Variants in MCTP2 observed in about 807,000 individuals in gnomAD.
MCTP2 encodes multiple C2 and transmembrane domain-containing protein 2.
A neutral mutation model predicts 111.6 loss-of-function variants in MCTP2; 132 were observed. The observed-to-expected ratio is 1.18, with a 90% CI of 1.03 to 1.37. The LOEUF (loss-of-function observed/expected upper bound fraction) is 1.37. Among genes scored for constraint, MCTP2 ranks in the 40% most tolerant of loss-of-function variants. The pLI is 0.00. For synonymous variants in MCTP2, 395 were observed against 387.7 expected, an observed-to-expected ratio of 1.02 and a Z score of -0.22; for missense variants, 1,183 against 1,067.9, an observed-to-expected ratio of 1.11 and a Z score of -1.50.
chr15:94,275,913 A>G (rs530373281), intron 1 of MCTP2, among the ~76,000 whole-genome samples: 13 of 137,564 alleles, frequency 9.5e-5, no homozygotes, highest in Non-Finnish European at 2.0e-4. Flanking sequence ...AGTGGCGCGG[A>G]TCTTGGCTCA....
intron 19 of MCTP2, among the ~76,000 whole-genome samples, chr15:94,449,275 T>C (rs1002665731): frequency 1.1e-4 from 16 of 152,230 alleles, no homozygotes; most frequent in African/African-American, 3.9e-4. Flanking sequence ...GCTGCTTTTA[T>C]GTGCAGGAGC....
chr15:94,235,886 T>C (rs781553865), intron 1 of MCTP2, among the ~76,000 whole-genome samples: 3 of 152,246 alleles, frequency 2.0e-5, no homozygotes, highest in Non-Finnish European at 4.4e-5. Flanking sequence ...GGCCTGGGAT[T>C]GCTTGGGATG....
chr15:94,445,987 GT>G (rs1438497094), intron 19 of MCTP2, among the ~76,000 whole-genome samples: 1 of 152,214 alleles, frequency 6.6e-6, no homozygotes, highest in Non-Finnish European at 1.5e-5. Flanking sequence ...GCTTTGCCAT[GT>G]TCTGCCTGTC....
At chr15:94,253,283 A>C (rs2072560296) in intron 1 of MCTP2, among the ~76,000 whole-genome samples, 1 of 152,150 alleles carries the variant, frequency 6.6e-6, no homozygotes. Context: ...AGTGTGTCTC[A>C]ACTTTGATAA....
At chr15:94,258,708 A>G (rs2073002616) in intron 1 of MCTP2, among the ~76,000 whole-genome samples, 1 of 152,226 alleles carries the variant, frequency 6.6e-6, no homozygotes, top group South Asian at 2.1e-4. Context: ...CATTATGTTC[A>G]TTACCTGATT....
intron 9 of MCTP2, among the ~76,000 whole-genome samples, 170 bp from the exon 10 acceptor site, chr15:94,358,312 G>C (rs2078739956): frequency 1.3e-5 from 2 of 152,152 alleles, no homozygotes; most frequent in African/African-American, 4.8e-5. Flanking sequence ...TGTTTTGCCA[G>C]TTCTTGAACC....
rs542460535 is a variant in MCTP2, at chr15:94,276,631, A to T, written c.-65-21570A>T. On this transcript the variant is annotated intron_variant, in intron 1 of 22. Coordinates refer to ENST00000357742, the MANE Select transcript of MCTP2 (RefSeq NM_001385001.1). ...AATATGTTCGTAATCTGAATTCAGC[A>T]ATGGTATTTTTAAAATATTACAATG... Among the ~76,000 whole-genome samples, 3 of 124,730 alleles carry T rather than the reference A, an allele frequency of 2.4e-5. No homozygotes were observed. The South Asian group carries it at 7.3e-4, about 30-fold the overall frequency. The allele number at this position is 124,730 out of a possible 152,430, so 81.8% of individuals were successfully genotyped here. A position where few individuals can be genotyped will look rare whatever the true frequency, so the allele number is the denominator to read the frequency against.
chr15:94,283,415 T>A lies in MCTP2; in HGVS notation c.-65-14786T>A, dbSNP rs975849834. Among the ~76,000 whole-genome samples, 4 of 152,194 alleles carry A rather than the reference T, an allele frequency of 2.6e-5. No homozygotes were observed. The South Asian group carries it at 8.3e-4, about 31-fold the overall frequency. On this transcript the variant is annotated intron_variant, in intron 1 of 22. Coordinates refer to ENST00000357742, the MANE Select transcript of MCTP2 (RefSeq NM_001385001.1). ...CAGATAGTCCCATGCCAACCCCCCTTGGCTTTGCACAGGCTGGAGTTCTGT... is the reference window on the plus strand; with the variant it reads ...CAGATAGTCCCATGCCAACCCCCCTAGGCTTTGCACAGGCTGGAGTTCTGT...
rs2083702058 is a variant in MCTP2 at position 94,440,224 on chromosome 15, G to A, written c.2134G>A (p.Ala712Thr). 1.2e-6 allele frequency: 2 copies of A among 1,613,920 alleles called. No homozygotes were observed. The highest frequency in any genetic ancestry group is 1.7e-5 in the Admixed American group (1 of 60,018). Residue 712 changes from alanine (A) to threonine (T), a missense_variant, in exon 18 of 23, where the codon GCA becomes ACA. By Grantham distance (58) the Ala-to-Thr change is moderately conservative (BLOSUM62 0). Coordinates refer to ENST00000357742, the MANE Select transcript of MCTP2 (RefSeq NM_001385001.1). ...TTTTGAACTATATATGATCCCCTTG[G>A]CATTGTTGCTGATCTTTGTCTACAA... is the stretch of plus-strand genomic sequence containing the variant. ...WNFELYMIPLALLLIFVYNFI... is the reference protein window; with the variant it reads ...WNFELYMIPLTLLLIFVYNFI...
chr15:94,395,251 TC>T (rs1179416290), intron 14 of MCTP2, among the ~76,000 whole-genome samples: 7 of 152,222 alleles, frequency 4.6e-5, no homozygotes, highest in Admixed American at 4.6e-4. Flanking sequence ...CACGTTATTT[TC>T]CCTTTTATGC....
chr15:94,416,595 C>T (rs925339164), intron 17 of MCTP2, among the ~76,000 whole-genome samples: 1 of 152,076 alleles, frequency 6.6e-6, no homozygotes, highest in African/African-American at 2.4e-5. Context: ...AAAATCTGGC[C>T]CACATGAAGA....
intron 17 of MCTP2, among the ~76,000 whole-genome samples, chr15:94,419,594 A>G (rs2082530116): frequency 6.6e-6 from 1 of 151,928 alleles, no homozygotes; most frequent in Non-Finnish European, 1.5e-5. Flanking sequence ...AGAACATGCC[A>G]CCTCCTACAC....
At chr15:94,373,180 T>C (rs1049553412) in intron 12 of MCTP2, among the ~76,000 whole-genome samples, 4 of 152,288 alleles carry the variant, frequency 2.6e-5, no homozygotes, top group Non-Finnish European at 4.4e-5. Flanking sequence ...AAAGAAAATA[T>C]AGGTCATTCA....
At position 94,384,086 on chromosome 15, in the gene MCTP2, CA is replaced by C. The variant is rs2080312658; in HGVS notation, c.1652del (p.Asn551ThrfsTer23). On this transcript the variant is annotated frameshift_variant, in exon 13 of 23. Transcript: ENST00000357742. LOFTEE classifies it high-confidence loss of function. ...ACCGACTTCAGACGCATACCGTCTACAAAAACCTCAACCCTGAATGGAACAA... is the reference window on the plus strand; with the variant it reads ...ACCGACTTCAGACGCATACCGTCTACAAAACCTCAACCCTGAATGGAACAA... ...NDRLQTHTVYKNLNPEWNKVF... is the reference protein window; with the variant it reads ...NDRLQTHTVYXNLNPEWNKVF... The C allele has an allele frequency of 1.2e-6, 2 of 1,613,890 alleles. No homozygotes were observed. The highest frequency in any genetic ancestry group is 2.7e-5 in the African/African-American group (2 of 75,032).
intron 7 of MCTP2, 35 bp from the exon 8 acceptor site, chr15:94,345,093 TG>T: frequency 6.2e-7 from 1 of 1,610,438 alleles, no homozygotes. Context: ...TGTTTTATTT[TG>T]CCATTTTCAC....
intron 18 of MCTP2, among the ~76,000 whole-genome samples, chr15:94,442,429 A>G (rs1014017111): frequency 4.6e-5 from 7 of 152,210 alleles, no homozygotes; most frequent in African/African-American, 1.7e-4. Context: ...GGGCAAAATA[A>G]TAATGCCACA....
chr15:94,366,719 T>A (rs1315587739), intron 10 of MCTP2, among the ~76,000 whole-genome samples: 6 of 151,954 alleles, frequency 3.9e-5, no homozygotes, highest in Admixed American at 3.9e-4. Flanking sequence ...TAAAAAAAAA[T>A]GACGTCTGGG....
intron 14 of MCTP2, among the ~76,000 whole-genome samples, chr15:94,386,831 T>G (rs2080515040): frequency 7.5e-6 from 1 of 133,964 alleles, no homozygotes; most frequent in Admixed American, 7.5e-5. Context: ...ACAAAACAAC[T>G]CCCCTCTGTT....
chr15:94,321,114 A>G (rs757553856), intron 4 of MCTP2, among the ~76,000 whole-genome samples: 1 of 152,180 alleles, frequency 6.6e-6, no homozygotes, highest in Non-Finnish European at 1.5e-5. Flanking sequence ...TAGAAAGTTG[A>G]TCCGTGGAGA....
Sources: gnomAD v4.1 joint callset for allele counts (sites outside exome capture counted in the v4.1 genomes callset) on GRCh38, gnomAD v4.1.1 for gene constraint, MANE v1.5 for transcripts, NCBI Gene and HGNC (gene_info 2026-07-23, HGNC 2026-07-21) for gene names.